The following DOC2A variants were observed in gnomAD, a reference collection of about 807,000 sequenced individuals.
DOC2A encodes the protein double C2-like domain-containing protein alpha.
A neutral mutation model predicts 40.6 loss-of-function variants in DOC2A; 28 were observed. The observed-to-expected ratio is 0.69, with a 90% CI of 0.51 to 0.95. The LOEUF is 0.95. DOC2A is among the 40% of genes least tolerant of loss of function. The pLI is 0.00. For missense variants in DOC2A, 474 were observed against 552.5 expected, an observed-to-expected ratio of 0.86 and a Z score of 1.42; for synonymous variants, 241 against 236.9, an observed-to-expected ratio of 1.02 and a Z score of -0.16.
chr16:30,014,172 C>T (rs78939560), upstream of DOC2A, among the ~76,000 whole-genome samples: 1 of 131,882 alleles, frequency 7.6e-6, no homozygotes, highest in Admixed American at 7.8e-5. Context: ...TTAGAATCAT[C>T]TTTTTTTTTT....
chr16:30,019,902 T>G (rs1308590725), intron 1 of DOC2A, among the ~76,000 whole-genome samples: 1 of 151,176 alleles, frequency 6.6e-6, no homozygotes, highest in Non-Finnish European at 1.5e-5. Context: ...GCCTAGTTAA[T>G]CTTTTTTTTT....
At chr16:30,008,826 A>T (rs1363886155) in intron 5 of DOC2A, 170 bp downstream of exon 5, 3 of 621,094 alleles carry the variant, frequency 4.8e-6, no homozygotes, top group Non-Finnish European at 8.8e-6. Flanking sequence ...ATTGAGGGGC[A>T]GGAATGGCAG....
chr16:30,011,939 A>T (rs2070789134), upstream of DOC2A, among the ~76,000 whole-genome samples: 1 of 151,938 alleles, frequency 6.6e-6, no homozygotes, highest in South Asian at 2.1e-4. Context: ...GCCCTGCGGT[A>T]GTTCCCCATG....
Position 30,009,172 on chromosome 16 carries a change from G to A in DOC2A, c.417+30C>T. ...GCCCCACAGGCTGGAGTCATGGGCT[G>A]GGCCGGGCGGGGCGAGAGGAGGCTG... On this transcript the variant is annotated intron_variant, in intron 4 of 10. Transcript: ENST00000350119. The surrounding 1 kb of genome is among the most constrained non-coding windows in gnomAD (Gnocchi z 4.1). 6.2e-7 allele frequency: 1 copy of A among 1,609,354 alleles called. No individual in the cohort carries two copies. The highest frequency in any genetic ancestry group is 8.5e-7 in the Non-Finnish European group (1 of 1,177,128).
At chr16:30,012,680 TAA>T (rs35503706), upstream of DOC2A, 80 of 116,750 alleles carry the variant, frequency 6.9e-4, no homozygotes, top group East Asian at 1.7e-3. Context: ...CACAGTCTCT[TAA>T]AAAAAAAAAA....
intron 1 of DOC2A, among the ~76,000 whole-genome samples, chr16:30,020,411 C>G (rs890541502): frequency 6.6e-6 from 1 of 151,940 alleles, no homozygotes; most frequent in Non-Finnish European, 1.5e-5. Context: ...AAATCCCTTC[C>G]TTTTTCTTAG....
Position 30,009,863 on chromosome 16 carries a change from T to G in DOC2A, c.262+98A>C. The G allele has an allele frequency of 2.8e-6, 3 of 1,061,504 alleles. No individual in the cohort carries two copies. The highest frequency in any genetic ancestry group is 1.6e-5 in the African/African-American group (1 of 62,022). 65.8% of individuals were successfully genotyped at this position (1,061,504 alleles called of 1,614,324 possible). A position where few individuals can be genotyped will look rare whatever the true frequency, so the allele number is the denominator to read the frequency against. ...CCCCCCACTGCCCTCCTCCCCTACC[T>G]ACATGCACAGCCAGCAGGGCCCATC... On this transcript the variant is annotated intron_variant, in intron 2 of 10. Transcript: ENST00000350119. The surrounding 1 kb of genome is among the most constrained non-coding windows in gnomAD (Gnocchi z 4.1).
intron 5 of DOC2A, 150 bp from the exon 6 acceptor site, chr16:30,007,449 C>T (rs1482205594): frequency 9.0e-7 from 1 of 1,106,978 alleles, no homozygotes; most frequent in Non-Finnish European, 1.3e-6. Context: ...GCAGATTTGC[C>T]CATTCCTCTG....
At chr16:30,007,467 C>T (rs1731272792) in intron 5 of DOC2A, 168 bp from the exon 6 acceptor site, 2 of 870,136 alleles carry the variant, frequency 2.3e-6, no homozygotes, top group African/African-American at 1.7e-5. Context: ...CTGTCCCTCC[C>T]TCTGCAGCCA....
In DOC2A at chr16:30,006,240, C is replaced by G; in HGVS notation, c.1149G>C (p.Trp383Cys). The change falls in exon 11 of 11, where the codon TGG becomes TGC. Residue 383 changes from tryptophan to cysteine, a missense_variant. Transcript: ENST00000350119. This position sits in a 1 kb window ranked among gnomAD's most constrained non-coding sequence, Gnocchi z 6.2. The part of the protein sequence containing the change: ...LQQPDAALER[W>C]HTLTSELPPA... ...GGGGCAGCTCACTGGTCAGGGTGTG[C>G]CAGCGCTCCAGGGCTGCGTCCGGCT... 1 of 1,592,816 alleles carries G rather than the reference C, an allele frequency of 6.3e-7. No homozygotes were observed. The highest frequency in any genetic ancestry group is 8.5e-7 in the Non-Finnish European group (1 of 1,170,876).
In DOC2A at chr16:30,009,687, G is replaced by C. The variant is rs981184350; in HGVS notation, c.263-130C>G. 7 of 942,616 alleles carry C rather than the reference G, an allele frequency of 7.4e-6. No homozygotes were observed. The highest frequency in any genetic ancestry group is 1.2e-5 in the Non-Finnish European group (7 of 604,586). The allele number at this position is 942,616 out of a possible 1,614,324, so 58.4% of individuals were successfully genotyped here. The stretch of plus-strand genomic sequence containing the variant: ...CGAGTGTGAGTGCAAGAGGCTGAGT[G>C]GGCCCATGCGTGTGTGCGTCTGGGT... On this transcript the variant is annotated intron_variant, in intron 2 of 10. Coordinates refer to ENST00000350119, the MANE Select transcript of DOC2A (RefSeq NM_003586.3). The surrounding 1 kb of genome is among the most constrained non-coding windows in gnomAD (Gnocchi z 4.1).
chr16:30,009,208 G>A lies in DOC2A; in HGVS notation c.411C>T (p.Ala137=), dbSNP rs1364424016. Residue 137 remains alanine (A), a synonymous_variant, in exon 4 of 11, where the codon GCC becomes GCT. Transcript: ENST00000350119. This position sits in a 1 kb window ranked among gnomAD's most constrained non-coding sequence, Gnocchi z 4.1. ...GGCGAGAGGAGGCTGTTACCTTACA[G>A]GCTCCAGGCAGCAAGTGCAGCTTGA... The part of the protein sequence containing the change: ...PYVKLHLLPG[A]CKANKLKTKT... 6.3e-7 allele frequency: 1 copy of A among 1,594,440 alleles called. No homozygotes were observed.
Position 30,007,320 on chromosome 16 carries a change from C to T in DOC2A, c.528-21G>A, listed in dbSNP as rs368609924. On this transcript the variant is annotated intron_variant, in intron 5 of 10. Coordinates refer to ENST00000350119, the MANE Select transcript of DOC2A (RefSeq NM_003586.3). ...CGATCCTGGTCGGGAACTGCAGTGT[C>T]AGGGCCCCTGGGGTACCTGAGCCCC... The T allele has an allele frequency of 2.1e-4, 344 of 1,613,436 alleles. 1 individual carries two copies. Among genetic ancestry groups the T allele is most frequent in the Middle Eastern group, 3.3e-4 (2 of 6,084 alleles).
rs372423863 is a variant in DOC2A, at chr16:30,010,266, A to T, written c.-13-31T>A. 1 of 1,610,068 alleles carries T rather than the reference A, an allele frequency of 6.2e-7. No individual in the cohort carries two copies. Among genetic ancestry groups the T allele is most frequent in the African/African-American group, 1.3e-5 (1 of 74,926 alleles). On this transcript the variant is annotated intron_variant, in intron 1 of 10. Coordinates refer to ENST00000350119, the MANE Select transcript of DOC2A (RefSeq NM_003586.3). This position sits in a 1 kb window ranked among gnomAD's most constrained non-coding sequence, Gnocchi z 4.2. Reference sequence around the variant, plus strand: ...AGAGGGCGTGTGAGCCAGTGAGCCCATCATACCTAGCCATCCTGGCTGAGG... The same window carrying T: ...AGAGGGCGTGTGAGCCAGTGAGCCCTTCATACCTAGCCATCCTGGCTGAGG...
chr16:30,006,492 T>A lies in DOC2A; in HGVS notation c.978A>T (p.Ile326=), dbSNP rs762947467. The change falls in exon 10 of 11, where the codon ATA becomes ATT. Residue 326 remains isoleucine (I), a synonymous_variant. Transcript: ENST00000350119. This position sits in a 1 kb window ranked among gnomAD's most constrained non-coding sequence, Gnocchi z 6.2. ...PEFNEEFFYE[I]ELSTLATKTL... is the part of the protein sequence containing the mutation. ...TCTTGGTGGCCAGAGTGGAGAGCTC[T>A]ATCTCGTAGAAAAACTCCTAGGGAC... 5 of 1,613,544 alleles carry A rather than the reference T, an allele frequency of 3.1e-6. No homozygotes were observed. The African/African-American group carries it at 6.7e-5, about 22-fold the overall frequency.
chr16:30,010,932 G>C lies in DOC2A; in HGVS notation c.-43C>G. On this transcript the variant is annotated 5_prime_UTR_variant, in exon 1 of 11. Coordinates refer to ENST00000350119, the MANE Select transcript of DOC2A (RefSeq NM_003586.3). This position sits in a 1 kb window ranked among gnomAD's most constrained non-coding sequence, Gnocchi z 4.2. ...GCCTCCAACAGGTGCCCAGGCACTG[G>C]GGGGACGGCGGGCGCAGGCTGGGCG... is the stretch of plus-strand genomic sequence containing the variant. 1 of 1,014,664 alleles carries C rather than the reference G, an allele frequency of 9.9e-7. No individual in the cohort carries two copies. Among genetic ancestry groups the C allele is most frequent in the Non-Finnish European group, 1.2e-6 (1 of 847,392 alleles). The allele number at this position is 1,014,664 out of a possible 1,614,324, so 62.9% of individuals were successfully genotyped here.
At position 30,007,029 on chromosome 16, in the gene DOC2A, A is replaced by C. The variant is rs776577484; in HGVS notation, c.714+2T>G. 8 of 1,613,732 alleles carry C rather than the reference A, an allele frequency of 5.0e-6. No individual in the cohort carries two copies. The highest frequency in any genetic ancestry group is 5.9e-6 in the Non-Finnish European group (7 of 1,179,888). ...CATCCCCATCCCCATGAGGTGCCTC[A>C]CCTCCTTCAGATAACAGGAGATGCC... is the stretch of plus-strand genomic sequence containing the variant. On this transcript the variant is annotated splice_donor_variant, in intron 7 of 10. Transcript: ENST00000350119. LOFTEE classifies it high-confidence loss of function.
rs1232870255 is a variant in DOC2A at position 30,009,855 on chromosome 16, C to T, written c.262+106G>A. On this transcript the variant is annotated intron_variant, in intron 2 of 10. Transcript: ENST00000350119. The surrounding 1 kb of genome is among the most constrained non-coding windows in gnomAD (Gnocchi z 4.1). Reference sequence around the variant, plus strand: ...CCTGCCACCCCCCCACTGCCCTCCTCCCCTACCTACATGCACAGCCAGCAG... The same window carrying T: ...CCTGCCACCCCCCCACTGCCCTCCTTCCCTACCTACATGCACAGCCAGCAG... 9 of 1,293,300 alleles carry T rather than the reference C, an allele frequency of 7.0e-6. No homozygotes were observed. The highest frequency in any genetic ancestry group is 9.9e-6 in the Non-Finnish European group (9 of 906,798). The allele number at this position is 1,293,300 out of a possible 1,614,324, so 80.1% of individuals were successfully genotyped here.
chr16:30,018,688 C>T (rs1038941694), intron 1 of DOC2A: 5 of 152,152 alleles, frequency 3.3e-5, no homozygotes, highest in Non-Finnish European at 7.3e-5. Flanking sequence ...ACAGACATCT[C>T]GGAGTCTGGA....
Sources: gnomAD v4.1 joint callset for allele counts (sites outside exome capture counted in the v4.1 genomes callset) on GRCh38, gnomAD v4.1.1 for gene constraint, Gnocchi (gnomAD v3.1) non-coding constraint, MANE v1.5 for transcripts, NCBI Gene and HGNC (gene_info 2026-07-23, HGNC 2026-07-21) for gene names.